SYT16: variants seen among roughly 807,000 people sequenced by gnomAD.
The protein encoded by SYT16 is synaptotagmin 16, also known as synaptotagmin-16.
In SYT16, 42 loss-of-function variants were observed where a neutral mutation model predicts 61.4. That is an observed-to-expected ratio of 0.68 (90% CI 0.53 to 0.89). The LOEUF (loss-of-function observed/expected upper bound fraction) is 0.89, where lower values mean the gene tolerates loss of function less well. SYT16 is among the 40% of genes least tolerant of loss of function. The pLI is 0.00. For missense variants in SYT16, 804 were observed against 807.3 expected, an observed-to-expected ratio of 1.00 and a Z score of 0.05; for synonymous variants, 314 against 302.3, an observed-to-expected ratio of 1.04 and a Z score of -0.40.
intron 1 of SYT16, among the ~76,000 whole-genome samples, chr14:61,907,831 C>T (rs902223916): frequency 3.3e-5 from 5 of 152,238 alleles, no homozygotes; most frequent in Non-Finnish European, 5.9e-5. Context: ...CTGGCTACCA[C>T]AGTATCCTTT....
chr14:61,951,847 T>A (rs2050683855), intron 1 of SYT16, among the ~76,000 whole-genome samples: 1 of 152,254 alleles, frequency 6.6e-6, no homozygotes, highest in Non-Finnish European at 1.5e-5. Context: ...TGGAGGGCAG[T>A]GGTGTGATCA....
At chr14:61,813,156 G>A (rs1443232499) in intron 1 of SYT16, among the ~76,000 whole-genome samples, 1 of 152,260 alleles carries the variant, frequency 6.6e-6, no homozygotes, top group Middle Eastern at 3.2e-3. Flanking sequence ...GCGCGTTTTT[G>A]GCGCTGTGAG....
intron 3 of SYT16, among the ~76,000 whole-genome samples, chr14:62,027,639 A>G (rs912759172): frequency 7.2e-5 from 11 of 152,162 alleles, no homozygotes; most frequent in African/African-American, 1.4e-4. Flanking sequence ...CTCAGAGGTG[A>G]CATATCACTG....
chr14:61,939,769 A>G (rs1443654638), intron 1 of SYT16, among the ~76,000 whole-genome samples: 2 of 152,164 alleles, frequency 1.3e-5, no homozygotes, highest in African/African-American at 4.8e-5. Flanking sequence ...CACAGTGTCT[A>G]AGGGGGAAGA....
At chr14:61,900,758 AT>A (rs1176794932) in intron 1 of SYT16, among the ~76,000 whole-genome samples, 1 of 152,152 alleles carries the variant, frequency 6.6e-6, no homozygotes, top group East Asian at 1.9e-4. Flanking sequence ...TCCCAATTCC[AT>A]TCCAGGAAGG....
intron 3 of SYT16, among the ~76,000 whole-genome samples, chr14:61,999,401 ATAG>A (rs1566751370): frequency 6.6e-6 from 1 of 151,710 alleles, no homozygotes; most frequent in African/African-American, 2.4e-5. Context: ...AGTTATGGAC[ATAG>A]TAGTTAATTA....
intron 7 of SYT16, among the ~76,000 whole-genome samples, chr14:62,097,147 G>A (rs1421687946): frequency 6.6e-6 from 1 of 152,012 alleles, no homozygotes; most frequent in African/African-American, 2.4e-5. Context: ...ACATACTTTT[G>A]TGCCATAATA....
intron 1 of SYT16, among the ~76,000 whole-genome samples, chr14:61,932,385 A>G (rs1014766688): frequency 6.6e-6 from 1 of 152,198 alleles, no homozygotes; most frequent in Non-Finnish European, 1.5e-5. Context: ...AAAGAGGTTT[A>G]ATTTCCCACA....
intron 3 of SYT16, among the ~76,000 whole-genome samples, chr14:62,041,896 T>C (rs1471588180): frequency 6.6e-6 from 1 of 152,200 alleles, no homozygotes; most frequent in African/African-American, 2.4e-5. Context: ...CTCACTAGTC[T>C]TTTATTCTGC....
Position 61,972,027 on chromosome 14 carries a change from G to T in SYT16, c.-145+1716G>T, listed in dbSNP as rs373483233. ...GGCTGTCACTCGTTATGTGACCTTG[G>T]CAAATTATGGAACCATTATGAACTT... On this transcript the variant is annotated intron_variant, in intron 2 of 7. Coordinates refer to ENST00000683842, the MANE Select transcript of SYT16 (RefSeq NM_001367656.1). 3.9e-5 allele frequency among the ~76,000 whole-genome samples: 6 copies of T among 152,166 alleles called. No individual in the cohort carries two copies. The East Asian group carries it at 5.8e-4, about 15-fold the overall frequency.
intron 2 of SYT16, among the ~76,000 whole-genome samples, chr14:61,974,333 A>G (rs980917069): frequency 6.6e-6 from 1 of 152,192 alleles, no homozygotes; most frequent in Non-Finnish European, 1.5e-5. Flanking sequence ...CTTCCTGGGC[A>G]TGGAACTGCA....
At chr14:62,067,241 T>C (rs529085687) in intron 3 of SYT16, among the ~76,000 whole-genome samples, 61 of 152,300 alleles carry the variant, frequency 4.0e-4, no homozygotes, top group African/African-American at 1.4e-3. Context: ...GTTTTACATA[T>C]TGAGAGACAT....
At chr14:61,817,419 CAA>C (rs58438991) in intron 1 of SYT16, among the ~76,000 whole-genome samples, 53 of 82,444 alleles carry the variant, frequency 6.4e-4, no homozygotes, top group Admixed American at 5.4e-4. Flanking sequence ...ACTCCATCTC[CAA>C]AAAAAAAAAA....
At chr14:62,084,421 C>T in intron 7 of SYT16, 36 bp downstream of exon 7, 8 of 1,583,168 alleles carry the variant, frequency 5.1e-6, no homozygotes, top group Non-Finnish European at 6.8e-6. Flanking sequence ...TCTGGTTCTT[C>T]CAGAGGCAAG....
At chr14:61,818,407 C>T (rs551448332) in intron 1 of SYT16, among the ~76,000 whole-genome samples, 2 of 152,246 alleles carry the variant, frequency 1.3e-5, no homozygotes, top group African/African-American at 2.4e-5. Flanking sequence ...CAGCCAGGCG[C>T]GGTGGCTCAC....
In SYT16 at chr14:62,103,928, C is replaced by A. The variant is rs2141029519; in HGVS notation, c.*3221C>A. ...ATCAAATGTCAATATTCTCCATAGT[C>A]CTAGGTGCCAGTGAGCCTGAAACAC... On this transcript the variant is annotated 3_prime_UTR_variant, in exon 8 of 8. Transcript: ENST00000683842. 6.6e-6 allele frequency: 1 copy of A among 152,312 alleles called. No individual in the cohort carries two copies. Among genetic ancestry groups the A allele is most frequent in the South Asian group, 2.1e-4 (1 of 4,824 alleles). The allele number at this position is 152,312 out of a possible 1,614,324, so 9.4% of individuals were successfully genotyped here.
At chr14:61,900,619 C>T (rs1190133704) in intron 1 of SYT16, among the ~76,000 whole-genome samples, 1 of 151,746 alleles carries the variant, frequency 6.6e-6, no homozygotes, top group East Asian at 1.9e-4. Context: ...AGAGGAGGGC[C>T]TGCAGGAGAG....
intron 1 of SYT16, among the ~76,000 whole-genome samples, chr14:61,900,158 CTT>C (rs5809128): frequency 0.05 from 5,352 of 106,750 alleles, 287 homozygotes; most frequent in African/African-American, 0.16. Flanking sequence ...TAAATTTCTG[CTT>C]TTTTTTTTTT....
At chr14:62,054,576 G>T (rs2055462088) in intron 3 of SYT16, among the ~76,000 whole-genome samples, 1 of 151,802 alleles carries the variant, frequency 6.6e-6, no homozygotes. Context: ...TGCCCAGGCT[G>T]GTTTCAAACT....
Sources: allele counts gnomAD v4.1 joint callset (sites outside exome capture counted in the v4.1 genomes callset), GRCh38; gene constraint gnomAD v4.1.1; transcripts MANE v1.5; gene names NCBI Gene and HGNC (gene_info 2026-07-23, HGNC 2026-07-21).